COL4A3: variants seen among roughly 807,000 people sequenced by gnomAD.
The protein encoded by COL4A3 is collagen type IV alpha 3 chain.
In COL4A3, 135 loss-of-function variants were observed where a neutral mutation model predicts 217.4. The observed-to-expected ratio is 0.62, with a 90% CI of 0.54 to 0.72. The LOEUF (loss-of-function observed/expected upper bound fraction) is 0.72. COL4A3 is among the 30% of genes least tolerant of loss of function. The pLI, the probability that COL4A3 is intolerant of heterozygous loss-of-function variation, is 0.00. For missense variants in COL4A3, 1,868 were observed against 2,119.9 expected, an observed-to-expected ratio of 0.88 and a Z score of 2.33; for synonymous variants, 690 against 736.3, an observed-to-expected ratio of 0.94 and a Z score of 1.02.
At chr2:227,269,397 G>A (rs2125988030) in intron 23 of COL4A3, among the ~76,000 whole-genome samples, 1 of 152,250 alleles carries the variant, frequency 6.6e-6, no homozygotes, top group East Asian at 1.9e-4. Flanking sequence ...CTAAATAAAT[G>A]ATGGCTCGCC....
chr2:227,285,257 T>TTCACATG (rs1468447248), intron 34 of COL4A3, among the ~76,000 whole-genome samples: 1 of 123,722 alleles, frequency 8.1e-6, no homozygotes, highest in Non-Finnish European at 1.6e-5. Context: ...GTAACAAACC[T>TTCACATG]TCACATGTAC....
At chr2:227,276,337 A>G (rs774080615) in intron 26 of COL4A3, 48 bp from the exon 27 acceptor site, 27 of 1,345,354 alleles carry the variant, frequency 2.0e-5, no homozygotes, top group African/African-American at 1.9e-4. Context: ...ATCGTCTAAG[A>G]CAAGCTTCAA....
intron 18 of COL4A3, among the ~76,000 whole-genome samples, 173 bp downstream of exon 18, chr2:227,257,817 G>A (rs2070285437): frequency 6.6e-6 from 1 of 152,182 alleles, no homozygotes; most frequent in Admixed American, 6.5e-5. Context: ...TTGACCACGG[G>A]TAAATATTTC....
intron 1 of COL4A3, among the ~76,000 whole-genome samples, chr2:227,224,499 C>T (rs376311002): frequency 2.6e-5 from 4 of 152,112 alleles, no homozygotes; most frequent in African/African-American, 9.7e-5. Flanking sequence ...GCCCGTAATC[C>T]CAGTACTTTG....
chr2:227,218,248 C>T (rs1380555999), intron 1 of COL4A3, among the ~76,000 whole-genome samples: 4 of 151,790 alleles, frequency 2.6e-5, no homozygotes, highest in African/African-American at 4.8e-5. Flanking sequence ...GGGTGGATCA[C>T]GAGGTCAGGA....
rs759585383 is a variant in COL4A3 at position 227,279,814 on chromosome 2, C to T, written c.2147C>T (p.Thr716Ile). ...GTAGGAGACCAAGGTTTTCCAGGTACAAAAGGATCACTGGGTTGTCCTGGA... is the reference window on the plus strand; with the variant it reads ...GTAGGAGACCAAGGTTTTCCAGGTATAAAAGGATCACTGGGTTGTCCTGGA... ...GPKGDQGFPG[T>I]KGSLGCPGKM... Residue 716 changes from threonine (T) to isoleucine (I), a missense_variant, in exon 29 of 52, where the codon ACA (threonine) becomes ATA (isoleucine). Physicochemically the swap from Thr to Ile is moderately conservative, Grantham distance 89. Around this residue, in one of 2 missense-constraint regions of COL4A3, gnomAD observed 1,503 missense variants for 1,786.1 expected, o/e 0.84. Coordinates refer to ENST00000396578, the MANE Select transcript of COL4A3 (RefSeq NM_000091.5). The T allele has an allele frequency of 1.7e-5, 28 of 1,609,308 alleles. No homozygotes were observed. The highest frequency in any genetic ancestry group is 2.4e-5 in the Non-Finnish European group (28 of 1,178,114).
At chr2:227,251,283 T>G (rs1335847201) in intron 10 of COL4A3, 53 bp from the exon 11 acceptor site, 3 of 1,602,712 alleles carry the variant, frequency 1.9e-6, no homozygotes, top group Non-Finnish European at 1.7e-6. Flanking sequence ...TTAAAAGAAT[T>G]TTTCTGGTTG....
At chr2:227,293,071 T>C (rs2072845366) in intron 37 of COL4A3, 120 bp from the exon 38 acceptor site, 1 of 1,309,844 alleles carries the variant, frequency 7.6e-7, no homozygotes. Context: ...TGCTGGCAGA[T>C]AGCAGATACT....
intron 44 of COL4A3, 137 bp from the exon 45 acceptor site, chr2:227,303,722 G>A: frequency 1.2e-6 from 1 of 820,942 alleles, no homozygotes; most frequent in South Asian, 1.5e-5. Context: ...TGAAATTGTA[G>A]CCCTTGTGAC....
chr2:227,309,353 G>A (rs1393552801), intron 50 of COL4A3, 35 bp downstream of exon 50: 1 of 1,494,914 alleles, frequency 6.7e-7, no homozygotes, highest in Non-Finnish European at 9.3e-7. Context: ...TTAGGGTAAA[G>A]ACTACCTGTA....
In COL4A3 at chr2:227,254,183, T is replaced by C. The variant is rs2069991819; in HGVS notation, c.828+9T>C. On this transcript the variant is annotated intron_variant, in intron 14 of 51. Coordinates refer to ENST00000396578, the MANE Select transcript of COL4A3 (RefSeq NM_000091.5). ...GACCTCCTGGACCCTCAGTAGGTTA[T>C]TTAAAGTTATATTGTCCCCATAACA... The C allele has an allele frequency of 1.9e-6, 3 of 1,611,152 alleles. No individual in the cohort carries two copies. The highest frequency in any genetic ancestry group is 2.5e-6 in the Non-Finnish European group (3 of 1,177,592).
chr2:227,264,718 A>C (rs1221514940), intron 21 of COL4A3: 1 of 152,176 alleles, frequency 6.6e-6, no homozygotes, highest in African/African-American at 2.4e-5. Flanking sequence ...AGCTTCTTCC[A>C]AGTCTCTTTT....
chr2:227,279,647 A>G (rs1170630428), intron 28 of COL4A3, 146 bp from the exon 29 acceptor site: 3 of 570,552 alleles, frequency 5.3e-6, no homozygotes, highest in Non-Finnish European at 9.2e-6. Context: ...GGAACTTTTA[A>G]AAAATTGCTA....
intron 1 of COL4A3, among the ~76,000 whole-genome samples, chr2:227,208,025 C>G (rs115039563): frequency 2.2e-4 from 34 of 151,900 alleles, no homozygotes; most frequent in Non-Finnish European, 2.8e-4. Context: ...CCCGCCCCCC[C>G]ACACACACGA....
chr2:227,282,361 A>T lies in COL4A3; in HGVS notation c.2489-4A>T, dbSNP rs1286652429. On this transcript the variant is annotated splice_region_variant and splice_polypyrimidine_tract_variant and intron_variant, in intron 31 of 51. Transcript: ENST00000396578. This position sits in a 1 kb window ranked among gnomAD's most constrained non-coding sequence, Gnocchi z 4.4. ...AATTAATTCATTCATTTATTCGTACACAGGCAGAAGAGGTAAAACGGGGCC... is the reference window on the plus strand; with the variant it reads ...AATTAATTCATTCATTTATTCGTACTCAGGCAGAAGAGGTAAAACGGGGCC... The T allele has an allele frequency of 6.2e-7, 1 of 1,612,282 alleles. No homozygotes were observed. The highest frequency in any genetic ancestry group is 1.1e-5 in the South Asian group (1 of 91,044).
chr2:227,294,617 A>T (rs747973467), intron 39 of COL4A3, 47 bp downstream of exon 39: 6 of 1,322,634 alleles, frequency 4.5e-6, no homozygotes, highest in Non-Finnish European at 5.5e-6. Context: ...TGGGAGACAC[A>T]TTTTCTCCTG....
At chr2:227,171,604 G>A (rs867553189) in intron 1 of COL4A3, among the ~76,000 whole-genome samples, 1 of 152,132 alleles carries the variant, frequency 6.6e-6, no homozygotes, top group Non-Finnish European at 1.5e-5. Context: ...GCTTAAACAG[G>A]CACTTACTTC....
At chr2:227,287,631 G>A (rs1438707519) in intron 34 of COL4A3, among the ~76,000 whole-genome samples, 1 of 152,174 alleles carries the variant, frequency 6.6e-6, no homozygotes, top group African/African-American at 2.4e-5. Context: ...CTAACTCCCT[G>A]ATACTCATCA....
chr2:227,232,731 G>C (rs904579103), intron 1 of COL4A3, among the ~76,000 whole-genome samples: 6 of 151,920 alleles, frequency 3.9e-5, no homozygotes, highest in African/African-American at 1.5e-4. Context: ...TTTTAAATTA[G>C]CCATTTCACT....
Sources: allele counts gnomAD v4.1 joint callset (sites outside exome capture counted in the v4.1 genomes callset), GRCh38; gene constraint gnomAD v4.1.1; regional missense constraint gnomAD v4.1.1; non-coding constraint Gnocchi (gnomAD v3.1); transcripts MANE v1.5; gene names NCBI Gene and HGNC (gene_info 2026-07-23, HGNC 2026-07-21).